Variants in ARID2 observed in about 807,000 individuals in gnomAD.
The protein encoded by ARID2 is AT-rich interactive domain-containing protein 2.
In ARID2, 32 loss-of-function variants were observed where a neutral mutation model predicts 184.6. That is an observed-to-expected ratio of 0.17 (90% CI 0.13 to 0.23). The LOEUF (loss-of-function observed/expected upper bound fraction) is 0.23, where lower values mean the gene tolerates loss of function less well. Ranked by LOEUF, ARID2 falls within the 10% of genes least tolerant of loss-of-function variation. The pLI is 1.00. For synonymous variants in ARID2, 836 were observed against 772.6 expected (o/e 1.08, Z -1.36); for missense variants, 1,696 against 2,197.6 (o/e 0.77, Z 4.56).
chr12:45,865,611 G>T (rs1201779153), intron 16 of ARID2, among the ~76,000 whole-genome samples: 2 of 152,032 alleles, frequency 1.3e-5, no homozygotes, highest in Admixed American at 6.5e-5. Flanking sequence ...AATTGTAGAA[G>T]AACCCCCATG....
At chr12:45,863,563 G>A (rs1943783999) in intron 16 of ARID2, among the ~76,000 whole-genome samples, 4 of 151,804 alleles carry the variant, frequency 2.6e-5, no homozygotes, top group Admixed American at 2.6e-4. Flanking sequence ...CTCCAGCCTC[G>A]GTTATAAAGT....
chr12:45,900,628 G>A (rs1944445110), intron 20 of ARID2, among the ~76,000 whole-genome samples: 1 of 152,096 alleles, frequency 6.6e-6, no homozygotes, highest in African/African-American at 2.4e-5. Context: ...TTACCTCCAT[G>A]TTGAATCCCT....
intron 3 of ARID2, among the ~76,000 whole-genome samples, chr12:45,735,417 T>TTGTG (rs1941091233): frequency 9.1e-6 from 1 of 110,278 alleles, no homozygotes; most frequent in African/African-American, 3.7e-5. Context: ...ATAAACTGTA[T>TTGTG]CGTGTGTGTG....
At chr12:45,847,487 C>G (rs973465770) in intron 12 of ARID2, among the ~76,000 whole-genome samples, 3 of 152,014 alleles carry the variant, frequency 2.0e-5, no homozygotes, top group African/African-American at 7.2e-5. Context: ...GTAGTCCTAT[C>G]TGCACCACTT....
At chr12:45,896,055 A>G (rs1944364336) in intron 20 of ARID2, among the ~76,000 whole-genome samples, 1 of 152,234 alleles carries the variant, frequency 6.6e-6, no homozygotes, top group South Asian at 2.1e-4. Context: ...ACCCCTGTCA[A>G]CATCCCAATG....
intron 3 of ARID2, among the ~76,000 whole-genome samples, chr12:45,791,617 A>G (rs937942708): frequency 6.6e-6 from 1 of 152,118 alleles, no homozygotes; most frequent in Non-Finnish European, 1.5e-5. Flanking sequence ...TGTTTGAGAA[A>G]GGGTCTCATT....
At chr12:45,757,099 G>A (rs1226818440) in intron 3 of ARID2, among the ~76,000 whole-genome samples, 1 of 152,124 alleles carries the variant, frequency 6.6e-6, no homozygotes, top group South Asian at 2.1e-4. Flanking sequence ...AGGAGTTTAA[G>A]CTCCTAATGA....
At chr12:45,859,980 C>G (rs918426290) in intron 15 of ARID2, among the ~76,000 whole-genome samples, 2 of 152,172 alleles carry the variant, frequency 1.3e-5, no homozygotes, top group South Asian at 2.1e-4. Context: ...GATCCACCCC[C>G]CTGGGCCTCC....
chr12:45,793,289 A>G (rs1008140185), intron 3 of ARID2, among the ~76,000 whole-genome samples: 1 of 151,994 alleles, frequency 6.6e-6, no homozygotes, highest in African/African-American at 2.4e-5. Context: ...AACAAGAGTG[A>G]ACCTCCATTA....
chr12:45,792,713 G>A lies in ARID2; in HGVS notation c.285-18705G>A, dbSNP rs375903863. The stretch of plus-strand genomic sequence containing the variant: ...ATTCTATGTTTTGGGGCTCTTGTTA[G>A]GTCAAAGGTGAAATGATATCTTCCT... On this transcript the variant is annotated intron_variant, in intron 3 of 20. Transcript: ENST00000334344. Among the ~76,000 whole-genome samples, 23 of 151,954 alleles carry A rather than the reference G, an allele frequency of 1.5e-4. No homozygotes were observed. The South Asian group carries it at 4.8e-3, about 32-fold the overall frequency.
intron 16 of ARID2, among the ~76,000 whole-genome samples, chr12:45,887,316 A>G (rs1381437615): frequency 6.6e-6 from 1 of 152,222 alleles, no homozygotes; most frequent in Non-Finnish European, 1.5e-5. Context: ...CAGTAATTAT[A>G]TTAAATACTA....
intron 20 of ARID2, chr12:45,904,381 C>A: frequency 1.4e-6 from 1 of 715,586 alleles, no homozygotes; most frequent in Non-Finnish European, 2.6e-6. Context: ...TGCTGTGCAG[C>A]CTTCCATATT....
At chr12:45,822,879 G>A (rs778105060) in intron 6 of ARID2, among the ~76,000 whole-genome samples, 3 of 152,066 alleles carry the variant, frequency 2.0e-5, no homozygotes, top group Non-Finnish European at 2.9e-5. Flanking sequence ...TATAGTTCGG[G>A]ACTTTACTCA....
intron 6 of ARID2, among the ~76,000 whole-genome samples, chr12:45,835,465 A>G (rs1282699611): frequency 6.6e-6 from 1 of 152,010 alleles, no homozygotes; most frequent in Non-Finnish European, 1.5e-5. Flanking sequence ...CCTTTTTCCA[A>G]CTAATGGTTT....
At chr12:45,876,091 A>C (rs1944003932) in intron 16 of ARID2, among the ~76,000 whole-genome samples, 1 of 152,230 alleles carries the variant, frequency 6.6e-6, no homozygotes. Flanking sequence ...TCTAGCTTTT[A>C]ATTTAAAGTG....
At chr12:45,734,260 T>G (rs1329703970) in intron 3 of ARID2, among the ~76,000 whole-genome samples, 1 of 152,122 alleles carries the variant, frequency 6.6e-6, no homozygotes, top group Non-Finnish European at 1.5e-5. Context: ...TCCCAGCTAC[T>G]TGGGAGGCTG....
At chr12:45,779,414 C>G (rs1216616740) in intron 3 of ARID2, among the ~76,000 whole-genome samples, 1 of 151,998 alleles carries the variant, frequency 6.6e-6, no homozygotes, top group Non-Finnish European at 1.5e-5. Context: ...GTACTTTGTT[C>G]TGTCAAATAT....
intron 5 of ARID2, among the ~76,000 whole-genome samples, chr12:45,820,114 T>G (rs918811520): frequency 6.6e-6 from 1 of 152,164 alleles, no homozygotes; most frequent in Non-Finnish European, 1.5e-5. Context: ...GTGTGTGGGC[T>G]TCATTTTGCT....
chr12:45,860,177 T>C (rs1943719026), intron 15 of ARID2, among the ~76,000 whole-genome samples: 1 of 152,244 alleles, frequency 6.6e-6, no homozygotes, highest in Admixed American at 6.5e-5. Flanking sequence ...GCTATGATTA[T>C]GCCTCTGTAA....
Sources: gnomAD v4.1 joint callset for allele counts (sites outside exome capture counted in the v4.1 genomes callset) on GRCh38, gnomAD v4.1.1 for gene constraint, MANE v1.5 for transcripts, NCBI Gene and HGNC (gene_info 2026-07-23, HGNC 2026-07-21) for gene names.